The following CDC42EP4 variants were observed in gnomAD, a reference collection of about 807,000 sequenced individuals.
The protein encoded by CDC42EP4 is CDC42 effector protein 4.
In CDC42EP4, 6 loss-of-function variants were observed where a neutral mutation model predicts 5.6. The ratio of observed to expected loss-of-function variants is 1.07; its 90% CI spans 0.59 to 2.12. The LOEUF (loss-of-function observed/expected upper bound fraction) is 2.12, where lower values mean the gene tolerates loss of function less well. CDC42EP4 is among the 30% of genes most tolerant of loss of function. CDC42EP4 has a pLI of 0.00. For synonymous variants in CDC42EP4, 230 were observed against 224.2 expected (o/e 1.03, Z -0.23); for missense variants, 490 against 508.6 (o/e 0.96, Z 0.35).
At chr17:73,300,105 C>G (rs1202147318) in intron 1 of CDC42EP4, among the ~76,000 whole-genome samples, 1 of 152,208 alleles carries the variant, frequency 6.6e-6, no homozygotes, top group Admixed American at 6.5e-5. Flanking sequence ...AGAACCGTGA[C>G]CCAACACCAC....
intron 1 of CDC42EP4, among the ~76,000 whole-genome samples, chr17:73,293,399 C>T (rs1490530054): frequency 1.3e-5 from 2 of 152,126 alleles, no homozygotes; most frequent in Non-Finnish European, 2.9e-5. Flanking sequence ...GAGGTAGAGA[C>T]ACCCGGGATT....
At chr17:73,293,244 G>A (rs181635975) in intron 1 of CDC42EP4, among the ~76,000 whole-genome samples, 23 of 152,300 alleles carry the variant, frequency 1.5e-4, no homozygotes, top group Admixed American at 1.0e-3. Flanking sequence ...GGAAGCTCCC[G>A]GAGGTCCTGG....
chr17:73,286,317 C>T lies in CDC42EP4; in HGVS notation c.184G>A (p.Gly62Ser), dbSNP rs748930421. The T allele has an allele frequency of 1.9e-5, 30 of 1,614,070 alleles. No homozygotes were observed. The highest frequency in any genetic ancestry group is 3.3e-4 in the Middle Eastern group (2 of 6,084). ...FLNSKAGEPDGESLDEQPSSS... is the reference protein window; with the variant it reads ...FLNSKAGEPDSESLDEQPSSS... ...GAGGGCTGTTCGTCCAAGGACTCGC[C>T]GTCGGGCTCGCCAGCCTTGCTATTG... is the stretch of plus-strand genomic sequence containing the variant. Residue 62 changes from glycine (G) to serine (S), a missense_variant, in exon 2 of 2, where the codon GGC becomes AGC. By Grantham distance (56) the Gly-to-Ser change is moderately conservative. Transcript: ENST00000335793. This position sits in a 1 kb window ranked among gnomAD's most constrained non-coding sequence, Gnocchi z 7.7.
intron 1 of CDC42EP4, among the ~76,000 whole-genome samples, chr17:73,291,701 C>G (rs1372314597): frequency 2.6e-5 from 4 of 152,096 alleles, no homozygotes; most frequent in African/African-American, 7.2e-5. Flanking sequence ...CACCCCCACC[C>G]CACCCCAGAA....
At chr17:73,300,421 G>T (rs1448081908) in intron 1 of CDC42EP4, among the ~76,000 whole-genome samples, 1 of 152,148 alleles carries the variant, frequency 6.6e-6, no homozygotes, top group Non-Finnish European at 1.5e-5. Flanking sequence ...AGAGTGACCT[G>T]GACAAGGAGG....
chr17:73,310,795 GCAC>G (rs2062270377), intron 1 of CDC42EP4: 2 of 115,330 alleles, frequency 1.7e-5, no homozygotes, highest in African/African-American at 3.4e-5. Flanking sequence ...ACACACACAC[GCAC>G]TTCAGTCCTC....
intron 1 of CDC42EP4, among the ~76,000 whole-genome samples, chr17:73,301,651 A>C (rs1342464274): frequency 6.6e-6 from 1 of 150,778 alleles, no homozygotes; most frequent in Non-Finnish European, 1.5e-5. Context: ...GGTTCAAGCA[A>C]TTCTTGTGCT....
chr17:73,293,827 T>TA (rs2062172570), intron 1 of CDC42EP4, among the ~76,000 whole-genome samples: 1 of 152,200 alleles, frequency 6.6e-6, no homozygotes, highest in Non-Finnish European at 1.5e-5. Context: ...TGAGGGCAGC[T>TA]AAGTGAATGG....
At chr17:73,296,150 C>T (rs1599434532) in intron 1 of CDC42EP4, among the ~76,000 whole-genome samples, 1 of 150,896 alleles carries the variant, frequency 6.6e-6, no homozygotes, top group East Asian at 2.0e-4. Flanking sequence ...CTTTGGGAGG[C>T]CGAGGCGGGT....
chr17:73,293,162 G>A (rs979674995), intron 1 of CDC42EP4, among the ~76,000 whole-genome samples: 2 of 152,316 alleles, frequency 1.3e-5, no homozygotes, highest in Non-Finnish European at 2.9e-5. Context: ...TAAGGAGTTT[G>A]GAGGTCATTA....
rs1381968747 is a variant in CDC42EP4, at chr17:73,284,630, T to C, written c.*800A>G. On this transcript the variant is annotated 3_prime_UTR_variant, in exon 2 of 2. Transcript: ENST00000335793. ...GGTTTTCTAAAAGGATTGATTCTCA[T>C]TCTGAGGCAGACCTATTAACACCAT... The C allele has an allele frequency of 6.6e-6, 1 of 152,208 alleles. No homozygotes were observed. The highest frequency in any genetic ancestry group is 1.5e-5 in the Non-Finnish European group (1 of 68,038). The allele number at this position is 152,208 out of a possible 1,614,324, so 9.4% of individuals were successfully genotyped here. A position where few individuals can be genotyped will look rare whatever the true frequency, so the allele number is the denominator to read the frequency against.
intron 1 of CDC42EP4, chr17:73,311,462 C>T (rs1186471938): frequency 6.6e-6 from 1 of 152,448 alleles, no homozygotes; most frequent in Non-Finnish European, 1.5e-5. Flanking sequence ...GATCGCGGGC[C>T]GCGCGCCGCC....
chr17:73,311,939 TCGTGGGCTCCGCG>T lies in CDC42EP4; in HGVS notation c.-172_-160del, dbSNP rs1429302446. On this transcript the variant is annotated 5_prime_UTR_variant, in exon 1 of 2. Coordinates refer to ENST00000335793, the MANE Select transcript of CDC42EP4 (RefSeq NM_012121.5). ...CTCTGGGCCGGCTGCGCTGTCCCCT[TCGTGGGCTCCGCG>T]CGGCGGAGGGGCTGGCGGCCCCTGT... is the stretch of plus-strand genomic sequence containing the variant. 6.6e-6 allele frequency: 1 copy of T among 152,142 alleles called. No individual in the cohort carries two copies. The highest frequency in any genetic ancestry group is 1.5e-5 in the Non-Finnish European group (1 of 68,050). 9.4% of individuals were successfully genotyped at this position (152,142 alleles called of 1,614,324 possible). A position where few individuals can be genotyped will look rare whatever the true frequency, so the allele number is the denominator to read the frequency against.
rs373346345 is a variant in CDC42EP4 at position 73,283,762 on chromosome 17, C to A, written c.*1668G>T. 9.8e-5 allele frequency: 15 copies of A among 152,314 alleles called. No individual in the cohort carries two copies. Among genetic ancestry groups the A allele is most frequent in the African/African-American group, 3.1e-4 (13 of 41,466 alleles). The allele number at this position is 152,314 out of a possible 1,614,324, so 9.4% of individuals were successfully genotyped here. On this transcript the variant is annotated 3_prime_UTR_variant, in exon 2 of 2. Coordinates refer to ENST00000335793, the MANE Select transcript of CDC42EP4 (RefSeq NM_012121.5). ...TGCATAGCCCCTGAGGTTCCTCCCC[C>A]ACCATGGGACCTAAGCTATTGGAAA...
intron 1 of CDC42EP4, among the ~76,000 whole-genome samples, chr17:73,297,487 A>G (rs1179043469): frequency 1.3e-5 from 2 of 152,082 alleles, no homozygotes. Context: ...AAAAATAAAT[A>G]AAAATTTAAA....
At chr17:73,299,497 A>G (rs6501621) in intron 1 of CDC42EP4, among the ~76,000 whole-genome samples, 147,861 of 150,968 alleles carry the variant, frequency 0.98, 72,480 homozygotes, top group East Asian at 1. Flanking sequence ...TAGAGATGGC[A>G]TCTCGCTTTG....
In CDC42EP4 at chr17:73,285,842, T is replaced by C; in HGVS notation, c.659A>G (p.Asp220Gly). 3 of 1,613,798 alleles carry C rather than the reference T, an allele frequency of 1.9e-6. No homozygotes were observed. Among genetic ancestry groups the C allele is most frequent in the Non-Finnish European group, 2.5e-6 (3 of 1,179,818 alleles). The change falls in exon 2 of 2, where the codon GAC becomes GGC. Residue 220 changes from aspartate (D) to glycine (G), a missense_variant. Asp to Gly is a moderately conservative substitution (Grantham distance 94). Coordinates refer to ENST00000335793, the MANE Select transcript of CDC42EP4 (RefSeq NM_012121.5). The surrounding 1 kb of genome is among the most constrained non-coding windows in gnomAD (Gnocchi z 6.8). ...CTCCTTGTCCATGATGCTGAGGACG[T>C]CACCCAGCATGGAGGGCCCCAGGTC... The part of the protein sequence containing the change: ...HIDLGPSMLG[D>G]VLSIMDKEEW...
At chr17:73,307,155 T>A (rs1270912829) in intron 1 of CDC42EP4, 1 of 152,218 alleles carries the variant, frequency 6.6e-6, no homozygotes, top group Non-Finnish European at 1.5e-5. Flanking sequence ...AAGCCTTCAT[T>A]AATGACCACA....
intron 1 of CDC42EP4, chr17:73,311,040 C>T (rs1428153954): frequency 6.6e-6 from 1 of 152,194 alleles, no homozygotes; most frequent in Non-Finnish European, 1.5e-5. Flanking sequence ...AATCATTAAC[C>T]GACCGCTCCC....
Sources: gnomAD v4.1 joint callset for allele counts (sites outside exome capture counted in the v4.1 genomes callset) on GRCh38, gnomAD v4.1.1 for gene constraint, Gnocchi (gnomAD v3.1) non-coding constraint, MANE v1.5 for transcripts, NCBI Gene and HGNC (gene_info 2026-07-23, HGNC 2026-07-21) for gene names.